Variants in PDZRN3 observed in about 807,000 individuals in gnomAD.
PDZRN3 encodes E3 ubiquitin-protein ligase PDZRN3.
Under a neutral mutation model 85.7 loss-of-function variants are expected in PDZRN3, and 38 were observed. That is an observed-to-expected ratio of 0.44 (90% CI 0.34 to 0.58). The LOEUF is 0.58. Among genes scored for constraint, PDZRN3 ranks in the 20% least tolerant of loss-of-function variants. The pLI, the probability that PDZRN3 is intolerant of heterozygous loss-of-function variation, is 0.01. For synonymous variants in PDZRN3, 759 were observed against 638.0 expected, an observed-to-expected ratio of 1.19 and a Z score of -2.86; for missense variants, 1,629 against 1,506.4, an observed-to-expected ratio of 1.08 and a Z score of -1.35.
At chr3:73,587,684 C>G (rs4677307) in intron 3 of PDZRN3, among the ~76,000 whole-genome samples, 80,155 of 151,890 alleles carry the variant, frequency 0.53, 21,822 homozygotes, top group East Asian at 0.69. Flanking sequence ...CCTCAACCAA[C>G]CAAACCAAAG....
chr3:73,422,593 T>G (rs1244403986), intron 3 of PDZRN3, among the ~76,000 whole-genome samples: 1 of 152,200 alleles, frequency 6.6e-6, no homozygotes, highest in African/African-American at 2.4e-5. Flanking sequence ...TCCCCTGGCT[T>G]TCTTAACCAT....
At chr3:73,583,769 A>G (rs1702234378) in intron 3 of PDZRN3, among the ~76,000 whole-genome samples, 2 of 152,120 alleles carry the variant, frequency 1.3e-5, no homozygotes, top group Non-Finnish European at 2.9e-5. Flanking sequence ...ATAGCTCACA[A>G]ACGTATGATG....
chr3:73,384,180 C>T lies in PDZRN3; in HGVS notation c.2386G>A (p.Gly796Arg). ...GCTGGCCCGTAGGCTTCCGTGGTCCCCACAGCCCCTTCGCTGCTCGGGCAG... is the reference window on the plus strand; with the variant it reads ...GCTGGCCCGTAGGCTTCCGTGGTCCTCACAGCCCCTTCGCTGCTCGGGCAG... ...ISCPSSEGAV[G>R]TTEAYGPASK... The change falls in exon 10 of 10, where the codon GGG becomes AGG. Residue 796 changes from glycine (G) to arginine (R), a missense_variant. Gly to Arg is a moderately radical substitution (Grantham distance 125, BLOSUM62 -2). Coordinates refer to ENST00000263666, the MANE Select transcript of PDZRN3 (RefSeq NM_015009.3). 6.2e-7 allele frequency: 1 copy of T among 1,614,070 alleles called. No individual in the cohort carries two copies. Among genetic ancestry groups the T allele is most frequent in the Non-Finnish European group, 8.5e-7 (1 of 1,180,042 alleles).
chr3:73,565,875 T>C (rs1190858477), intron 3 of PDZRN3, among the ~76,000 whole-genome samples: 2 of 151,456 alleles, frequency 1.3e-5, no homozygotes, highest in Non-Finnish European at 2.9e-5. Flanking sequence ...CCTATTCTCA[T>C]AAAAACCAGG....
chr3:73,426,353 C>T (rs1443905575), intron 3 of PDZRN3, among the ~76,000 whole-genome samples: 1 of 152,082 alleles, frequency 6.6e-6, no homozygotes, highest in Non-Finnish European at 1.5e-5. Flanking sequence ...TTCACTTCTG[C>T]ACTATTTCAG....
At chr3:73,607,334 T>C (rs1702616459) in intron 2 of PDZRN3, among the ~76,000 whole-genome samples, 1 of 152,206 alleles carries the variant, frequency 6.6e-6, no homozygotes, top group Admixed American at 6.5e-5. Context: ...TATATACAAA[T>C]AAAATATGGT....
chr3:73,577,600 A>C (rs897674999), intron 3 of PDZRN3, among the ~76,000 whole-genome samples: 11 of 152,120 alleles, frequency 7.2e-5, no homozygotes, highest in African/African-American at 2.7e-4. Context: ...CAAGGGAGAG[A>C]GGAGAAATGC....
rs551808960 is a variant in PDZRN3, at chr3:73,550,441, C to T, written c.918+51913G>A. On this transcript the variant is annotated intron_variant, in intron 3 of 9. Transcript: ENST00000263666. ...AAAAACAATCAATACCTGGTCTTAC[C>T]CTAGACCAATTAAACCAGAAATCTC... Among the ~76,000 whole-genome samples, 7 of 152,258 alleles carry T rather than the reference C, an allele frequency of 4.6e-5. No individual in the cohort carries two copies. In the South Asian group the frequency reaches 1.0e-3, roughly 23 times the overall value.
intron 3 of PDZRN3, among the ~76,000 whole-genome samples, chr3:73,550,450 A>G (rs759156750): frequency 6.6e-6 from 1 of 152,242 alleles, no homozygotes; most frequent in Non-Finnish European, 1.5e-5. Flanking sequence ...CCCTAGACCA[A>G]TTAAACCAGA....
intron 3 of PDZRN3, chr3:73,569,466 A>C: frequency 9.0e-7 from 1 of 1,115,448 alleles, no homozygotes; most frequent in Non-Finnish European, 1.1e-6. Context: ...GTCTACACTG[A>C]CAATTTCCAC....
chr3:73,599,659 T>C (rs1444158879), intron 3 of PDZRN3, among the ~76,000 whole-genome samples: 1 of 152,272 alleles, frequency 6.6e-6, no homozygotes, highest in East Asian at 1.9e-4. Context: ...GCAACTCTTG[T>C]ATAAATCAAA....
At chr3:73,438,217 G>A (rs1364681661) in intron 3 of PDZRN3, among the ~76,000 whole-genome samples, 2 of 152,110 alleles carry the variant, frequency 1.3e-5, no homozygotes, top group Non-Finnish European at 2.9e-5. Flanking sequence ...AGATAGACAA[G>A]GCATATACAC....
At chr3:73,390,554 C>G (rs530430264) in intron 6 of PDZRN3, among the ~76,000 whole-genome samples, 1 of 151,218 alleles carries the variant, frequency 6.6e-6, no homozygotes, top group Non-Finnish European at 1.5e-5. Context: ...CAGCGTGCAT[C>G]TATGTAGTTT....
intron 3 of PDZRN3, among the ~76,000 whole-genome samples, chr3:73,406,650 T>G (rs1237123267): frequency 6.6e-6 from 1 of 152,182 alleles, no homozygotes; most frequent in Non-Finnish European, 1.5e-5. Flanking sequence ...ATATTAGGAT[T>G]TTCGAGTGGG....
intron 3 of PDZRN3, among the ~76,000 whole-genome samples, chr3:73,583,797 T>G (rs1187706913): frequency 2.6e-5 from 4 of 152,232 alleles, no homozygotes; most frequent in South Asian, 4.1e-4. Context: ...TGATCCCACC[T>G]TAGACTCTGC....
chr3:73,498,733 C>T (rs912169234), intron 3 of PDZRN3, among the ~76,000 whole-genome samples: 17 of 152,026 alleles, frequency 1.1e-4, no homozygotes, highest in East Asian at 5.8e-4. Flanking sequence ...TACAGGCACA[C>T]GCCACCGCGC....
At position 73,491,133 on chromosome 3, in the gene PDZRN3, C is replaced by T. The variant is rs576141692; in HGVS notation, c.919-86738G>A. ...TCCTGGCAGGCAGGCTGCATAAGCC[C>T]TTGTACCACGCAAGCTCCTGCTCAG... On this transcript the variant is annotated intron_variant, in intron 3 of 9. Coordinates refer to ENST00000263666, the MANE Select transcript of PDZRN3 (RefSeq NM_015009.3). Among the ~76,000 whole-genome samples, 12 of 152,354 alleles carry T rather than the reference C, an allele frequency of 7.9e-5. No homozygotes were observed. In the East Asian group the frequency reaches 2.3e-3, roughly 29 times the overall value.
intron 3 of PDZRN3, among the ~76,000 whole-genome samples, chr3:73,479,389 T>TAA (rs11456991): frequency 8.1e-4 from 120 of 147,430 alleles, no homozygotes; most frequent in Admixed American, 1.3e-3. Flanking sequence ...CTTCTCAAAG[T>TAA]AAAAAAAAAA....
intron 3 of PDZRN3, among the ~76,000 whole-genome samples, chr3:73,523,242 G>T (rs965586663): frequency 5.3e-5 from 8 of 151,968 alleles, no homozygotes; most frequent in Admixed American, 1.3e-4. Flanking sequence ...GGCCAGACTG[G>T]TCTAAAATTC....
Sources: allele counts gnomAD v4.1 joint callset (sites outside exome capture counted in the v4.1 genomes callset), GRCh38; gene constraint gnomAD v4.1.1; transcripts MANE v1.5; gene names NCBI Gene and HGNC (gene_info 2026-07-23, HGNC 2026-07-21).